Variants in SDK1 observed in about 807,000 individuals in gnomAD.
SDK1 encodes sidekick cell adhesion molecule 1.
In SDK1, 157 loss-of-function variants were observed where a neutral mutation model predicts 245.5. The ratio of observed to expected loss-of-function variants is 0.64; its 90% CI spans 0.56 to 0.73. SDK1 has a LOEUF of 0.73. SDK1 is among the 30% of genes least tolerant of loss of function. The pLI, the probability that SDK1 is intolerant of heterozygous loss-of-function variation, is 0.00. For missense variants in SDK1, 3,583 were observed against 3,002.3 expected, an observed-to-expected ratio of 1.19 and a Z score of -4.52; for synonymous variants, 1,647 against 1,278.5, an observed-to-expected ratio of 1.29 and a Z score of -6.15.
intron 1 of SDK1, among the ~76,000 whole-genome samples, chr7:3,581,273 C>T (rs182247930): frequency 2.0e-5 from 3 of 152,126 alleles, no homozygotes; most frequent in Admixed American, 6.5e-5. Flanking sequence ...ACCTATTAAT[C>T]GAATATGATA....
intron 5 of SDK1, among the ~76,000 whole-genome samples, chr7:3,925,627 C>A (rs1365373656): frequency 6.6e-6 from 1 of 152,186 alleles, no homozygotes; most frequent in African/African-American, 2.4e-5. Context: ...CTTGGGGCAC[C>A]CTGCAGTGGG....
rs533228730 is a variant in SDK1 at position 3,717,677 on chromosome 7, G to A, written c.713+75572G>A. 5.3e-5 allele frequency among the ~76,000 whole-genome samples: 8 copies of A among 152,242 alleles called. No individual in the cohort carries two copies. In the South Asian group the frequency reaches 1.5e-3, roughly 28 times the overall value. ...ATAAAGTTGAAAACTTAGATTAGCT[G>A]GACCAAATGCTCAAAAACTACAAAG... On this transcript the variant is annotated intron_variant, in intron 4 of 44. Coordinates refer to ENST00000404826, the MANE Select transcript of SDK1 (RefSeq NM_152744.4).
chr7:3,820,941 G>T (rs1562468233), intron 4 of SDK1, among the ~76,000 whole-genome samples: 1 of 152,204 alleles, frequency 6.6e-6, no homozygotes. Context: ...TTAAGTTGAA[G>T]GGGGGCAGCA....
Position 3,545,777 on chromosome 7 carries a change from AT to A in SDK1, c.299-73299del, listed in dbSNP as rs575098224. On this transcript the variant is annotated intron_variant, in intron 1 of 44. Transcript: ENST00000404826. ...GAGACTTCTGGCCGCTGTTCTGTTAATTTTGGTGCTGTCAAGCGAAAGGGTA... is the reference window on the plus strand; with the variant it reads ...GAGACTTCTGGCCGCTGTTCTGTTAATTTGGTGCTGTCAAGCGAAAGGGTA... Among the ~76,000 whole-genome samples the A allele has an allele frequency of 1.0e-3, 153 of 152,324 alleles. 1 individual carries two copies. Among genetic ancestry groups the A allele is most frequent in the African/African-American group, 3.4e-3 (143 of 41,576 alleles).
At chr7:3,489,826 A>G (rs1446519061) in intron 1 of SDK1, among the ~76,000 whole-genome samples, 1 of 152,246 alleles carries the variant, frequency 6.6e-6, no homozygotes, top group Non-Finnish European at 1.5e-5. Flanking sequence ...AGCAAGATTC[A>G]TGCTAACTAA....
intron 44 of SDK1, among the ~76,000 whole-genome samples, chr7:4,263,536 G>A (rs1222174425): frequency 3.8e-4 from 34 of 90,542 alleles, no homozygotes; most frequent in African/African-American, 1.2e-3. Context: ...GGGAGGCCGC[G>A]TAGACGCCTC....
At chr7:3,404,604 C>G (rs1465165448) in intron 1 of SDK1, among the ~76,000 whole-genome samples, 1 of 152,184 alleles carries the variant, frequency 6.6e-6, no homozygotes, top group South Asian at 2.1e-4. Flanking sequence ...TTAAATACTT[C>G]CAAACTGGTT....
intron 31 of SDK1, among the ~76,000 whole-genome samples, chr7:4,160,688 A>T (rs1268214837): frequency 6.6e-6 from 1 of 152,202 alleles, no homozygotes; most frequent in Non-Finnish European, 1.5e-5. Flanking sequence ...ACTCAAGGAC[A>T]TTGAGAACTC....
intron 13 of SDK1, among the ~76,000 whole-genome samples, chr7:3,984,979 A>G (rs949229949): frequency 2.0e-5 from 3 of 152,138 alleles, no homozygotes; most frequent in Non-Finnish European, 4.4e-5. Context: ...ACCGACCCCA[A>G]GCCTCCCAGA....
At position 4,268,577 on chromosome 7, in the gene SDK1, C is replaced by T. The variant is rs373409660; in HGVS notation, c.*3193C>T. 6.8e-5 allele frequency: 91 copies of T among 1,348,136 alleles called. 1 individual carries two copies. Among genetic ancestry groups the T allele is most frequent in the East Asian group, 3.7e-4 (8 of 21,878 alleles). The allele number at this position is 1,348,136 out of a possible 1,614,324, so 83.5% of individuals were successfully genotyped here. Reference sequence around the variant, plus strand: ...AGGTGGCTCACTCTGTACAGGTCTTCGGAGGCCGTGTTTGTATCTAACTGT... The same window carrying T: ...AGGTGGCTCACTCTGTACAGGTCTTTGGAGGCCGTGTTTGTATCTAACTGT... On this transcript the variant is annotated 3_prime_UTR_variant, in exon 45 of 45. Coordinates refer to ENST00000404826, the MANE Select transcript of SDK1 (RefSeq NM_152744.4).
intron 27 of SDK1, among the ~76,000 whole-genome samples, chr7:4,130,955 C>G (rs1163029542): frequency 6.6e-6 from 1 of 152,140 alleles, no homozygotes; most frequent in Admixed American, 6.5e-5. Flanking sequence ...GGAAAGCACT[C>G]TCTCCACGTT....
In SDK1 at chr7:3,642,256, A is replaced by G. The variant is rs1271138364; in HGVS notation, c.713+151A>G. The G allele has an allele frequency of 7.9e-6, 5 of 636,396 alleles. No individual in the cohort carries two copies. In the Admixed American group the frequency reaches 1.3e-4, roughly 17 times the overall value. The allele number at this position is 636,396 out of a possible 1,614,324, so 39.4% of individuals were successfully genotyped here. On this transcript the variant is annotated intron_variant, in intron 4 of 44. Coordinates refer to ENST00000404826, the MANE Select transcript of SDK1 (RefSeq NM_152744.4). ...CTATCCTAATTTTTAATAAACAGCT[A>G]TTTGAGGACTGGCTTGAATATTTTT...
rs1312213084 is a variant in SDK1, at chr7:3,346,757, GTGTATATA to G, written c.298+44888_298+44895del. Among the ~76,000 whole-genome samples the G allele has an allele frequency of 3.8e-3, 482 of 125,888 alleles. 5 individuals carry two copies. Among genetic ancestry groups the G allele is most frequent in the African/African-American group, 0.012 (403 of 32,556 alleles). The allele number at this position is 125,888 out of a possible 152,430, so 82.6% of individuals were successfully genotyped here. A position where few individuals can be genotyped will look rare whatever the true frequency, so the allele number is the denominator to read the frequency against. On this transcript the variant is annotated intron_variant, in intron 1 of 44. Coordinates refer to ENST00000404826, the MANE Select transcript of SDK1 (RefSeq NM_152744.4). Reference sequence around the variant, plus strand: ...TATATACACGTATATATATGTGTGTGTGTATATATGTATATATGTATACATATATATGT... The same window carrying G: ...TATATACACGTATATATATGTGTGTGTGTATATATGTATACATATATATGT...
At chr7:3,878,076 G>A (rs1248602652) in intron 5 of SDK1, among the ~76,000 whole-genome samples, 2 of 152,244 alleles carry the variant, frequency 1.3e-5, no homozygotes, top group Non-Finnish European at 2.9e-5. Flanking sequence ...TAAAGCATAT[G>A]TAATGTCCCT....
chr7:4,235,858 A>G (rs983246156), intron 41 of SDK1, among the ~76,000 whole-genome samples: 3 of 152,210 alleles, frequency 2.0e-5, no homozygotes, highest in Non-Finnish European at 4.4e-5. Context: ...GCCCGCAGCC[A>G]GGGTGTCCTG....
In SDK1 at chr7:4,184,520, G is replaced by A. The variant is rs905820885; in HGVS notation, c.5098+5934G>A. ...CCAGTCAGTATTTGGTGAATGAGGG[G>A]GACCCTGGGTGAGTGAGTCGGTTTG... On this transcript the variant is annotated intron_variant, in intron 35 of 44. Transcript: ENST00000404826. Among the ~76,000 whole-genome samples, 12 of 152,296 alleles carry A rather than the reference G, an allele frequency of 7.9e-5. No individual in the cohort carries two copies. In the East Asian group the frequency reaches 2.1e-3, roughly 27 times the overall value.
At chr7:3,547,369 A>G (rs1246157833) in intron 1 of SDK1, among the ~76,000 whole-genome samples, 1 of 152,226 alleles carries the variant, frequency 6.6e-6, no homozygotes, top group Non-Finnish European at 1.5e-5. Context: ...TTGAGGTTTT[A>G]AAACTTACCT....
At chr7:3,579,699 C>G (rs1348267733) in intron 1 of SDK1, among the ~76,000 whole-genome samples, 1 of 152,136 alleles carries the variant, frequency 6.6e-6, no homozygotes, top group Non-Finnish European at 1.5e-5. Flanking sequence ...CAAGGGAACA[C>G]TTACACCCTG....
intron 5 of SDK1, among the ~76,000 whole-genome samples, chr7:3,885,175 C>T (rs949906043): frequency 6.6e-6 from 1 of 152,114 alleles, no homozygotes; most frequent in Non-Finnish European, 1.5e-5. Flanking sequence ...GCTGTGGGTC[C>T]GAGAGGCCTT....
Sources: allele counts gnomAD v4.1 joint callset (sites outside exome capture counted in the v4.1 genomes callset), GRCh38; gene constraint gnomAD v4.1.1; transcripts MANE v1.5; gene names NCBI Gene and HGNC (gene_info 2026-07-23, HGNC 2026-07-21).